HSF2BP: variants seen among roughly 807,000 people sequenced by gnomAD.
The protein encoded by HSF2BP is heat shock factor 2-binding protein.
Under a neutral mutation model 35.0 loss-of-function variants are expected in HSF2BP, and 35 were observed. The observed-to-expected ratio is 1.00, with a 90% CI of 0.76 to 1.32. The LOEUF is 1.32. Ranked by LOEUF, HSF2BP falls within the 40% of genes most tolerant of loss-of-function variation. The pLI is 0.00. For synonymous variants in HSF2BP, 114 were observed against 117.4 expected (o/e 0.97, Z 0.18); for missense variants, 326 against 321.7 (o/e 1.01, Z -0.10).
chr21:43,641,291 G>A (rs999511862), intron 4 of HSF2BP, among the ~76,000 whole-genome samples: 2 of 152,030 alleles, frequency 1.3e-5, no homozygotes, highest in African/African-American at 2.4e-5. Context: ...GAGCCACCGC[G>A]CCCGGCCAAT....
intron 7 of HSF2BP, among the ~76,000 whole-genome samples, chr21:43,605,166 G>C (rs1341068957): frequency 7.4e-6 from 1 of 134,528 alleles, no homozygotes; most frequent in Non-Finnish European, 1.6e-5. Flanking sequence ...ACACACACCA[G>C]CTGACTGCAC....
At position 43,580,926 on chromosome 21, in the gene HSF2BP, C is replaced by G. The variant is rs114165541; in HGVS notation, c.796+11299G>C. ...GAATATTCACTAGTTACTAAACCCTCTGGCCTTTCTCTGTGTTACGTGATA... is the reference window on the plus strand; with the variant it reads ...GAATATTCACTAGTTACTAAACCCTGTGGCCTTTCTCTGTGTTACGTGATA... On this transcript the variant is annotated intron_variant, in intron 8 of 8. Coordinates refer to ENST00000291560, the MANE Select transcript of HSF2BP (RefSeq NM_007031.2). Among the ~76,000 whole-genome samples the G allele has an allele frequency of 4.1e-3, 623 of 152,346 alleles. 8 individuals carry two copies. The highest frequency in any genetic ancestry group is 0.014 in the African/African-American group (588 of 41,582).
chr21:43,579,719 T>C (rs1279931804), intron 8 of HSF2BP, among the ~76,000 whole-genome samples: 2 of 152,196 alleles, frequency 1.3e-5, no homozygotes, highest in Admixed American at 1.3e-4. Context: ...TCAGAGTTCA[T>C]CAATAACTCT....
At chr21:43,649,601 AATT>A (rs2147104964) in intron 3 of HSF2BP, among the ~76,000 whole-genome samples, 1 of 152,360 alleles carries the variant, frequency 6.6e-6, no homozygotes, top group Admixed American at 6.5e-5. Flanking sequence ...TTAACATTTT[AATT>A]ATTTCAGAAA....
At chr21:43,630,296 C>G (rs1339351357) in intron 6 of HSF2BP, 26 bp downstream of exon 6, 1 of 1,590,208 alleles carries the variant, frequency 6.3e-7, no homozygotes, top group South Asian at 1.2e-5. Context: ...AAACAGGCAA[C>G]ATCTCTCAGG....
intron 6 of HSF2BP, 102 bp from the exon 7 acceptor site, chr21:43,614,049 C>T (rs912077881): frequency 3.7e-6 from 3 of 816,236 alleles, no homozygotes; most frequent in African/African-American, 3.5e-5. Flanking sequence ...CTAATGAAAA[C>T]ACAGCTGAAA....
chr21:43,593,065 AAACATCTCTGATCAGG>A (rs1314086042), intron 7 of HSF2BP, among the ~76,000 whole-genome samples: 1 of 152,236 alleles, frequency 6.6e-6, no homozygotes, highest in Non-Finnish European at 1.5e-5. Context: ...AATCAAAGGA[AAACATCTCTGATCAGG>A]AACAAAGTAA....
intron 8 of HSF2BP, among the ~76,000 whole-genome samples, chr21:43,573,621 G>A (rs975878867): frequency 1.3e-5 from 2 of 152,216 alleles, no homozygotes; most frequent in Admixed American, 6.5e-5. Context: ...TCACAACTGA[G>A]CACAGGGCAA....
At chr21:43,574,365 T>C (rs1290983106) in intron 8 of HSF2BP, among the ~76,000 whole-genome samples, 1 of 134,128 alleles carries the variant, frequency 7.5e-6, no homozygotes, top group African/African-American at 3.5e-5. Context: ...TCTTTTTCTC[T>C]TTTTTTTTTT....
chr21:43,585,512 G>A (rs2081838189), intron 8 of HSF2BP, among the ~76,000 whole-genome samples: 1 of 152,020 alleles, frequency 6.6e-6, no homozygotes, highest in African/African-American at 2.4e-5. Flanking sequence ...TGGGCGTGGT[G>A]ATGGGCGCCT....
chr21:43,496,172 G>A, the HSF2BP span, among the ~76,000 whole-genome samples: 2 of 128,054 alleles, frequency 1.6e-5, 1 homozygote, highest in Non-Finnish European at 3.5e-5. Context: ...ACACACATCT[G>A]CTAAAACTAA....
chr21:43,603,184 T>A (rs1374782639), intron 7 of HSF2BP, among the ~76,000 whole-genome samples: 1 of 152,230 alleles, frequency 6.6e-6, no homozygotes, highest in Non-Finnish European at 1.5e-5. Context: ...GCCAGGGTCA[T>A]GTCACAGCAG....
chr21:43,579,695 C>T (rs1211730001), intron 8 of HSF2BP, among the ~76,000 whole-genome samples: 2 of 152,196 alleles, frequency 1.3e-5, no homozygotes, highest in African/African-American at 4.8e-5. Context: ...ACCCTGTGCT[C>T]TATGGGAACC....
chr21:43,646,865 T>C (rs1260962178), intron 3 of HSF2BP, among the ~76,000 whole-genome samples: 1 of 152,236 alleles, frequency 6.6e-6, no homozygotes, highest in African/African-American at 2.4e-5. Flanking sequence ...GCATTGCTGC[T>C]GCCTCGGAAC....
chr21:43,580,430 CA>C (rs1347862982), intron 8 of HSF2BP, among the ~76,000 whole-genome samples: 2 of 152,154 alleles, frequency 1.3e-5, no homozygotes, highest in African/African-American at 2.4e-5. Context: ...TTTGACCACT[CA>C]ATTATATCAA....
intron 3 of HSF2BP, among the ~76,000 whole-genome samples, chr21:43,646,788 C>G (rs2082714617): frequency 6.6e-6 from 1 of 152,208 alleles, no homozygotes; most frequent in Admixed American, 6.5e-5. Flanking sequence ...CCATCTACGC[C>G]AGGCTCCTGG....
At chr21:43,598,180 CT>C (rs906867103) in intron 7 of HSF2BP, among the ~76,000 whole-genome samples, 5 of 150,628 alleles carry the variant, frequency 3.3e-5, no homozygotes, top group South Asian at 2.1e-4. Context: ...TAGGCACTTT[CT>C]TTTTTTTTGT....
At chr21:43,632,754 T>C (rs944036054) in intron 5 of HSF2BP, among the ~76,000 whole-genome samples, 1 of 152,250 alleles carries the variant, frequency 6.6e-6, no homozygotes, top group Admixed American at 6.5e-5. Flanking sequence ...ATCAACGATT[T>C]ATGTTGTCAG....
intron 7 of HSF2BP, among the ~76,000 whole-genome samples, chr21:43,612,989 T>G (rs1179018474): frequency 6.6e-6 from 1 of 152,148 alleles, no homozygotes; most frequent in Non-Finnish European, 1.5e-5. Flanking sequence ...TAGATGTAAT[T>G]AAGGTTACTA....
Sources: allele counts gnomAD v4.1 joint callset (sites outside exome capture counted in the v4.1 genomes callset), GRCh38; gene constraint gnomAD v4.1.1; transcripts MANE v1.5; gene names NCBI Gene and HGNC (gene_info 2026-07-23, HGNC 2026-07-21).